Variants in OSTF1 observed in about 807,000 individuals in gnomAD.
OSTF1 encodes osteoclast stimulating factor 1.
A neutral mutation model predicts 37.2 loss-of-function variants in OSTF1; 27 were observed. The observed-to-expected ratio is 0.73, with a 90% CI of 0.54 to 1.00. The LOEUF (loss-of-function observed/expected upper bound fraction) is 1.00, where lower values mean the gene tolerates loss of function less well. Ranked by LOEUF, OSTF1 falls within the 50% of genes least tolerant of loss-of-function variation. OSTF1 has a pLI of 0.00. For missense variants in OSTF1, 232 were observed against 253.8 expected (o/e 0.91, Z 0.58); for synonymous variants, 82 against 89.2 (o/e 0.92, Z 0.46).
intron 2 of OSTF1, among the ~76,000 whole-genome samples, chr9:75,122,111 A>G (rs976955695): frequency 6.6e-6 from 1 of 152,180 alleles, no homozygotes; most frequent in African/African-American, 2.4e-5. Context: ...AGTGTCAACC[A>G]CGGACCTGGC....
intron 1 of OSTF1, among the ~76,000 whole-genome samples, chr9:75,103,222 A>G (rs1025599000): frequency 6.6e-6 from 1 of 152,224 alleles, no homozygotes; most frequent in African/African-American, 2.4e-5. Context: ...GTTCAAGATT[A>G]CAGCAAGCTA....
At chr9:75,092,260 A>G (rs999777446) in intron 1 of OSTF1, among the ~76,000 whole-genome samples, 11 of 152,238 alleles carry the variant, frequency 7.2e-5, no homozygotes, top group Admixed American at 2.0e-4. Context: ...GGCAGATGCT[A>G]GTGGGAGACC....
rs1278477625 is a variant in OSTF1, at chr9:75,099,715, G to T, written c.34+10989G>T. ...GTGGTGATGAGCGCCTGTAAACCCA[G>T]CTACTCGGGTGGCCGAGGCAGGAGA... On this transcript the variant is annotated intron_variant, in intron 1 of 9. Transcript: ENST00000346234. Among the ~76,000 whole-genome samples the T allele has an allele frequency of 2.6e-5, 4 of 152,274 alleles. No individual in the cohort carries two copies. In the East Asian group the frequency reaches 7.7e-4, roughly 29 times the overall value.
At chr9:75,129,402 A>G (rs530995575) in intron 3 of OSTF1, among the ~76,000 whole-genome samples, 4 of 152,204 alleles carry the variant, frequency 2.6e-5, no homozygotes, top group Admixed American at 2.0e-4. Flanking sequence ...GGTTATTTCA[A>G]TGAAGAAGGA....
At chr9:75,095,417 G>A (rs758569472) in intron 1 of OSTF1, among the ~76,000 whole-genome samples, 11 of 152,198 alleles carry the variant, frequency 7.2e-5, no homozygotes, top group African/African-American at 2.2e-4. Flanking sequence ...TCAGAGGGCT[G>A]GGAAGCATGG....
At chr9:75,123,402 C>T (rs1379068340) in intron 2 of OSTF1, among the ~76,000 whole-genome samples, 1 of 152,048 alleles carries the variant, frequency 6.6e-6, no homozygotes, top group East Asian at 1.9e-4. Flanking sequence ...CCAACCTGGG[C>T]GACAGTGAGA....
intron 1 of OSTF1, among the ~76,000 whole-genome samples, chr9:75,116,126 A>T (rs922098255): frequency 6.6e-6 from 1 of 151,762 alleles, no homozygotes; most frequent in African/African-American, 2.4e-5. Flanking sequence ...TTATTATTAT[A>T]ATAATACAAT....
intron 2 of OSTF1, among the ~76,000 whole-genome samples, chr9:75,124,711 T>C (rs1331055982): frequency 6.6e-6 from 1 of 152,254 alleles, no homozygotes; most frequent in Non-Finnish European, 1.5e-5. Context: ...TGCTTATTTT[T>C]ATAAGAAAGA....
At chr9:75,118,769 G>T (rs527519867) in intron 2 of OSTF1, among the ~76,000 whole-genome samples, 1 of 152,304 alleles carries the variant, frequency 6.6e-6, no homozygotes, top group East Asian at 1.9e-4. Flanking sequence ...AACACATCTT[G>T]TGAGACTTAT....
At chr9:75,127,441 G>A in intron 2 of OSTF1, 128 bp from the exon 3 acceptor site, 2 of 497,804 alleles carry the variant, frequency 4.0e-6, no homozygotes, top group South Asian at 7.2e-5. Flanking sequence ...TTTATTATAT[G>A]GCTTATGTGC....
At chr9:75,107,880 A>T (rs912357126) in intron 1 of OSTF1, among the ~76,000 whole-genome samples, 1 of 152,182 alleles carries the variant, frequency 6.6e-6, no homozygotes, top group Admixed American at 6.5e-5. Flanking sequence ...CTCATGCCTC[A>T]TCACTTTAGC....
chr9:75,097,852 G>GT (rs369920296), intron 1 of OSTF1, among the ~76,000 whole-genome samples: 7,775 of 134,990 alleles, frequency 0.058, 249 homozygotes, highest in Middle Eastern at 0.081. Context: ...TTATGCCTCA[G>GT]TTTTTTTTTT....
chr9:75,113,891 C>A (rs1564159460), intron 1 of OSTF1, among the ~76,000 whole-genome samples: 1 of 152,342 alleles, frequency 6.6e-6, no homozygotes, highest in East Asian at 1.9e-4. Flanking sequence ...ATCTCTTGAA[C>A]TTGTTCCTGC....
intron 7 of OSTF1, 43 bp downstream of exon 7, chr9:75,134,438 G>C: frequency 9.9e-7 from 1 of 1,010,876 alleles, no homozygotes; most frequent in African/African-American, 1.6e-5. Context: ...ATACCTGCTT[G>C]TTGTCTTTAG....
At chr9:75,139,546 A>T (rs1307336384) in intron 8 of OSTF1, among the ~76,000 whole-genome samples, 4 of 152,134 alleles carry the variant, frequency 2.6e-5, no homozygotes, top group Non-Finnish European at 5.9e-5. Flanking sequence ...CTCATGCCTC[A>T]GTCTCCCAAG....
chr9:75,142,070 T>C (rs530818627), intron 9 of OSTF1, among the ~76,000 whole-genome samples: 1 of 152,340 alleles, frequency 6.6e-6, no homozygotes, highest in South Asian at 2.1e-4. Context: ...TTATTCTAGA[T>C]ATGTCTTTGT....
rs942641502 is a variant in OSTF1, at chr9:75,131,905, C to T, written c.250+82C>T. 6.3e-6 allele frequency: 6 copies of T among 955,050 alleles called. No homozygotes were observed. The African/African-American group carries it at 8.1e-5, about 13-fold the overall frequency. The allele number at this position is 955,050 out of a possible 1,614,324, so 59.2% of individuals were successfully genotyped here. A position where few individuals can be genotyped will look rare whatever the true frequency, so the allele number is the denominator to read the frequency against. Reference sequence around the variant, plus strand: ...ATTAGCTTTGACAAGTGCATACACCCACGTAACCAACACCCAGATCAAGAT... The same window carrying T: ...ATTAGCTTTGACAAGTGCATACACCTACGTAACCAACACCCAGATCAAGAT... On this transcript the variant is annotated intron_variant, in intron 5 of 9. Transcript: ENST00000346234.
intron 1 of OSTF1, among the ~76,000 whole-genome samples, chr9:75,115,225 C>G (rs1332030751): frequency 6.6e-6 from 1 of 152,128 alleles, no homozygotes; most frequent in Non-Finnish European, 1.5e-5. Context: ...ATTTTCTTGT[C>G]CTAGATAACC....
At chr9:75,118,912 C>A (rs1223318252) in intron 2 of OSTF1, among the ~76,000 whole-genome samples, 12 of 152,130 alleles carry the variant, frequency 7.9e-5, no homozygotes, top group Admixed American at 7.2e-4. Flanking sequence ...CACAGCAAAA[C>A]CATATCAAGG....
Sources: gnomAD v4.1 joint callset for allele counts (sites outside exome capture counted in the v4.1 genomes callset) on GRCh38, gnomAD v4.1.1 for gene constraint, MANE v1.5 for transcripts, NCBI Gene and HGNC (gene_info 2026-07-23, HGNC 2026-07-21) for gene names.